Variants in EXOC3L1 observed in about 807,000 individuals in gnomAD.
EXOC3L1 encodes exocyst complex component 3 like 1.
A neutral mutation model predicts 83.6 loss-of-function variants in EXOC3L1; 79 were observed. That is an observed-to-expected ratio of 0.95 (90% confidence interval 0.79 to 1.14). The LOEUF is 1.14. Among genes scored for constraint, EXOC3L1 ranks in the 50% most tolerant of loss-of-function variants. The pLI is 0.00. For missense variants in EXOC3L1, 945 were observed against 972.0 expected, an observed-to-expected ratio of 0.97 and a Z score of 0.37; for synonymous variants, 433 against 451.2, an observed-to-expected ratio of 0.96 and a Z score of 0.51.
chr16:67,185,905 C>T (rs2032702149), intron 9 of EXOC3L1, among the ~76,000 whole-genome samples: 2 of 152,184 alleles, frequency 1.3e-5, no homozygotes, highest in Admixed American at 1.3e-4. Flanking sequence ...CCAGACATTA[C>T]TGGCACAGAG....
chr16:67,187,918 C>G, intron 4 of EXOC3L1, 81 bp from the exon 5 acceptor site: 1 of 1,480,400 alleles, frequency 6.8e-7, no homozygotes, highest in South Asian at 1.4e-5. Context: ...TACTGAGGCC[C>G]AGGGCGGGGG....
At chr16:67,186,709 C>T (rs1886133148) in intron 7 of EXOC3L1, 50 bp downstream of exon 7, 2 of 1,613,028 alleles carry the variant, frequency 1.2e-6, no homozygotes, top group Non-Finnish European at 1.7e-6. Flanking sequence ...TTCCTCTCCT[C>T]CCCACTGCCC....
In EXOC3L1 at chr16:67,186,799, G is replaced by C. The variant is rs1245844007; in HGVS notation, c.1244C>G (p.Ser415Cys). 3.1e-6 allele frequency: 5 copies of C among 1,613,728 alleles called. No homozygotes were observed. The highest frequency in any genetic ancestry group is 1.7e-5 in the Admixed American group (1 of 60,032). Residue 415 changes from serine to cysteine, a missense_variant, in exon 7 of 14, where the codon TCT becomes TGT. Coordinates refer to ENST00000314586, the MANE Select transcript of EXOC3L1 (RefSeq NM_178516.4). The part of the protein sequence containing the change: ...GREHGPNTDP[S>C]GSYYSPMPAI... The stretch of plus-strand genomic sequence containing the variant: ...TGGCATTGGTGAGTAATAGGAGCCA[G>C]ACGGGTCTGTGTTGGGCCCATGCTC...
rs768902020 is a variant in EXOC3L1 at position 67,188,825 on chromosome 16, T to G, written c.323A>C (p.Gln108Pro). 6 of 1,613,340 alleles carry G rather than the reference T, an allele frequency of 3.7e-6. No homozygotes were observed. In the East Asian group the frequency reaches 1.3e-4, roughly 36 times the overall value. Reference sequence around the variant, plus strand: ...AGTCTGTAAGGCCTGGGACATGCCCTGGAGCAACCCACGGGCCTGGCTCAG... The same window carrying G: ...AGTCTGTAAGGCCTGGGACATGCCCGGGAGCAACCCACGGGCCTGGCTCAG... Reference protein sequence around the residue: ...EALSQARGLLQGMSQALQTLE... With the variant: ...EALSQARGLLPGMSQALQTLE... Residue 108 changes from glutamine to proline, a missense_variant, in exon 4 of 14, where the codon CAG becomes CCG. Coordinates refer to ENST00000314586, the MANE Select transcript of EXOC3L1 (RefSeq NM_178516.4).
rs1184134537 is a variant in EXOC3L1 at position 67,189,158 on chromosome 16, C to T, written c.69G>A (p.Glu23=). 2 of 1,605,186 alleles carry T rather than the reference C, an allele frequency of 1.2e-6. No individual in the cohort carries two copies. The highest frequency in any genetic ancestry group is 2.2e-5 in the South Asian group (2 of 90,702). The change falls in exon 3 of 14, where the codon GAG becomes GAA. Residue 23 remains glutamate (E), a synonymous_variant. Transcript: ENST00000314586. ...LSPGPEWPEQ[E]RAEQLARGAA... Reference sequence around the variant, plus strand: ...CACCCCGGGCCAGCTGCTCTGCCCGCTCCTGCTCTGGCCACTCAGGTCCTG... The same window carrying T: ...CACCCCGGGCCAGCTGCTCTGCCCGTTCCTGCTCTGGCCACTCAGGTCCTG...
rs753169379 is a variant in EXOC3L1, at chr16:67,188,704, G to A, written c.427+17C>T. The A allele has an allele frequency of 1.9e-6, 3 of 1,602,190 alleles. No homozygotes were observed. The highest frequency in any genetic ancestry group is 4.5e-5 in the East Asian group (2 of 44,632). ...CTGACTATTGGAGGCTGAGGCCCAG[G>A]GTCCCTGCATGCTCACCTGCCCGCA... On this transcript the variant is annotated intron_variant, in intron 4 of 13. Transcript: ENST00000314586.
chr16:67,187,312 C>T lies in EXOC3L1; in HGVS notation c.953G>A (p.Arg318His), dbSNP rs758305785. The change falls in exon 5 of 14, where the codon CGC becomes CAC. Residue 318 changes from arginine (R) to histidine (H), a missense_variant. Coordinates refer to ENST00000314586, the MANE Select transcript of EXOC3L1 (RefSeq NM_178516.4). The stretch of plus-strand genomic sequence containing the variant: ...CCCTGCAAGGAGGTTCTGCAGGCTG[C>T]GGCGCAAACCACTATGCAGCGTGTG... The part of the protein sequence containing the change: ...WAHTLHSGLR[R>H]SLQNLLAGPE... 166 of 1,612,822 alleles carry T rather than the reference C, an allele frequency of 1.0e-4. No homozygotes were observed. Among genetic ancestry groups the T allele is most frequent in the Non-Finnish European group, 1.3e-4 (154 of 1,180,004 alleles).
rs746612868 is a variant in EXOC3L1 at position 67,189,129 on chromosome 16, G to A, written c.98C>T (p.Ala33Val). Residue 33 changes from alanine to valine, a missense_variant, in exon 3 of 14, where the codon GCG (alanine) becomes GTG (valine). By Grantham distance (64) the Ala-to-Val change is moderately conservative. Coordinates refer to ENST00000314586, the MANE Select transcript of EXOC3L1 (RefSeq NM_178516.4). ...GAAGATGCCTGAGGCCCACTTGAGC[G>A]CTGCACCCCGGGCCAGCTGCTCTGC... ...ERAEQLARGAALKWASGIFYR... is the reference protein window; with the variant it reads ...ERAEQLARGAVLKWASGIFYR... 35 of 1,607,312 alleles carry A rather than the reference G, an allele frequency of 2.2e-5. No individual in the cohort carries two copies. The highest frequency in any genetic ancestry group is 9.4e-5 in the African/African-American group (7 of 74,866).
At chr16:67,188,123 A>G (rs2032781734) in intron 4 of EXOC3L1, among the ~76,000 whole-genome samples, 1 of 152,198 alleles carries the variant, frequency 6.6e-6, no homozygotes, top group African/African-American at 2.4e-5. Context: ...ACATGCCTGT[A>G]ATCCCAGCTA....
chr16:67,187,636 C>T lies in EXOC3L1; in HGVS notation c.629G>A (p.Gly210Glu), dbSNP rs778723066. ...GGCTGGGTCCTCCCGTGCCAGCTTC[C>T]CTGCGGCCCCTGCAGCTGCTTCCAC... ...QAVEAAAGAAGKLAREDPALL... is the reference protein window; with the variant it reads ...QAVEAAAGAAEKLAREDPALL... Residue 210 changes from glycine to glutamate, a missense_variant, in exon 5 of 14, where the codon GGG becomes GAG. Gly to Glu is a moderately conservative substitution (Grantham distance 98, BLOSUM62 -2). Transcript: ENST00000314586. The T allele has an allele frequency of 6.2e-7, 1 of 1,609,374 alleles. No individual in the cohort carries two copies. Among genetic ancestry groups the T allele is most frequent in the African/African-American group, 1.3e-5 (1 of 74,910 alleles).
At position 67,186,354 on chromosome 16, in the gene EXOC3L1, T is replaced by C. The variant is rs2032721871; in HGVS notation, c.1386-7A>G. On this transcript the variant is annotated splice_polypyrimidine_tract_variant and splice_region_variant and intron_variant, in intron 8 of 13. Transcript: ENST00000314586. Reference sequence around the variant, plus strand: ...GATCAGAGCATCACTGAAGCTGCAATGGGCAGAGGTGGCTCCTGGACTTGC... The same window carrying C: ...GATCAGAGCATCACTGAAGCTGCAACGGGCAGAGGTGGCTCCTGGACTTGC... 2 of 1,552,126 alleles carry C rather than the reference T, an allele frequency of 1.3e-6. No homozygotes were observed. The highest frequency in any genetic ancestry group is 1.7e-6 in the Non-Finnish European group (2 of 1,145,340).
intron 2 of EXOC3L1, 92 bp from the exon 3 acceptor site, chr16:67,189,272 ATTTG>A (rs982342555): frequency 2.2e-5 from 26 of 1,209,072 alleles, no homozygotes; most frequent in Middle Eastern, 3.0e-4. Flanking sequence ...TTATTTATTT[ATTTG>A]TTTGTTTATT....
chr16:67,184,594 C>T lies in EXOC3L1; in HGVS notation c.2041G>A (p.Val681Ile). Residue 681 changes from valine (V) to isoleucine (I), a missense_variant, in exon 14 of 14, where the codon GTC becomes ATC. By Grantham distance (29) the Val-to-Ile change is conservative. Coordinates refer to ENST00000314586, the MANE Select transcript of EXOC3L1 (RefSeq NM_178516.4). Reference protein sequence around the residue: ...QQFPDVSEDHVSALLGLRGDL... With the variant: ...QQFPDVSEDHISALLGLRGDL... ...CCGCGCAGGCCCAAGAGGGCGGAGA[C>T]GTGGTCCTCGCTGCAGGGGCACCAA... is the stretch of plus-strand genomic sequence containing the variant. 3.8e-6 allele frequency: 6 copies of T among 1,581,368 alleles called. No homozygotes were observed. The highest frequency in any genetic ancestry group is 2.3e-5 in the East Asian group (1 of 44,190).
In EXOC3L1 at chr16:67,184,617, C is replaced by G. The variant is rs2032625905; in HGVS notation, c.2031-13G>C. On this transcript the variant is annotated splice_polypyrimidine_tract_variant and intron_variant, in intron 13 of 13. Coordinates refer to ENST00000314586, the MANE Select transcript of EXOC3L1 (RefSeq NM_178516.4). ...GACGTGGTCCTCGCTGCAGGGGCAC[C>G]AAGGAGGCGCGTCAGCCCCGTCCTC... 1 of 1,585,682 alleles carries G rather than the reference C, an allele frequency of 6.3e-7. No homozygotes were observed. Among genetic ancestry groups the G allele is most frequent in the Non-Finnish European group, 8.5e-7 (1 of 1,171,128 alleles).
At chr16:67,189,205 C>T (rs371133340) in intron 2 of EXOC3L1, 25 bp from the exon 3 acceptor site, 63 of 1,572,878 alleles carry the variant, frequency 4.0e-5, no homozygotes, top group African/African-American at 1.6e-4. Context: ...CCTGGGCAGC[C>T]GTGTAGTCAG....
chr16:67,185,282 C>G, intron 10 of EXOC3L1, 24 bp from the exon 11 acceptor site: 1 of 1,613,388 alleles, frequency 6.2e-7, no homozygotes, highest in African/African-American at 1.3e-5. Context: ...CCAGATCTGG[C>G]ATTGCCGCGG....
intron 9 of EXOC3L1, 112 bp from the exon 10 acceptor site, chr16:67,185,602 G>T: frequency 1.0e-6 from 1 of 983,996 alleles, no homozygotes; most frequent in Non-Finnish European, 1.5e-6. Context: ...GGGAGGGAGC[G>T]AGAACAGCGG....
In EXOC3L1 at chr16:67,184,686, C is replaced by T; in HGVS notation, c.2030G>A (p.Ser677Asn). 1 of 1,576,120 alleles carries T rather than the reference C, an allele frequency of 6.3e-7. No individual in the cohort carries two copies. Among genetic ancestry groups the T allele is most frequent in the Non-Finnish European group, 8.6e-7 (1 of 1,164,772 alleles). Reference sequence around the variant, plus strand: ...TTCCCTTCTGGCCCCCAGTCCGCACCTCACGTCGGGAAATTGTTGCCGCAG... The same window carrying T: ...TTCCCTTCTGGCCCCCAGTCCGCACTTCACGTCGGGAAATTGTTGCCGCAG... ...AGLRQQFPDV[S>N]EDHVSALLGL... Residue 677 changes from serine (S) to asparagine (N), a missense_variant and splice_region_variant, in exon 13 of 14, where the codon AGC becomes AAC. Transcript: ENST00000314586.
At position 67,188,914 on chromosome 16, in the gene EXOC3L1, G is replaced by A. The variant is rs1409100913; in HGVS notation, c.234C>T (p.Gly78=). 5.6e-6 allele frequency: 9 copies of A among 1,612,932 alleles called. No individual in the cohort carries two copies. The East Asian group carries it at 6.7e-5, about 12-fold the overall frequency. The change falls in exon 4 of 14, where the codon GGC becomes GGT. Residue 78 remains glycine, a synonymous_variant. Coordinates refer to ENST00000314586, the MANE Select transcript of EXOC3L1 (RefSeq NM_178516.4). ...LKSVMQSYLE[G]VQTGVWQLAQ... ...CCAGCTGCCACACACCAGTCTGCAC[G>A]CCTTCCAGGTATGACTGCATCACTG...
Sources: gnomAD v4.1 joint callset for allele counts (sites outside exome capture counted in the v4.1 genomes callset) on GRCh38, gnomAD v4.1.1 for gene constraint, MANE v1.5 for transcripts, NCBI Gene and HGNC (gene_info 2026-07-23, HGNC 2026-07-21) for gene names.